The following AGBL4 variants were observed in gnomAD, a reference collection of about 807,000 sequenced individuals.
AGBL4 encodes the protein cytosolic carboxypeptidase 6.
In AGBL4, 58 loss-of-function variants were observed where a neutral mutation model predicts 66.4. The observed-to-expected ratio is 0.87, with a 90% CI of 0.71 to 1.09. The LOEUF (loss-of-function observed/expected upper bound fraction) is 1.09, where lower values mean the gene tolerates loss of function less well. AGBL4 is among the 50% of genes least tolerant of loss of function. The probability of loss-of-function intolerance (pLI) is 0.00; values close to 1 mark genes in which losing one functional copy is unlikely to be tolerated. For synonymous variants in AGBL4, 234 were observed against 222.9 expected (o/e 1.05, Z -0.44); for missense variants, 579 against 631.0 (o/e 0.92, Z 0.88).
chr1:49,805,789 T>C (rs566887438), intron 2 of AGBL4, among the ~76,000 whole-genome samples: 1 of 152,194 alleles, frequency 6.6e-6, no homozygotes, highest in Non-Finnish European at 1.5e-5. Context: ...CCTTACTCCT[T>C]TCGCTAAGTG....
chr1:48,944,843 C>T (rs952507302), intron 5 of AGBL4, among the ~76,000 whole-genome samples: 3 of 152,108 alleles, frequency 2.0e-5, no homozygotes, highest in Non-Finnish European at 4.4e-5. Flanking sequence ...GAAATAACAC[C>T]TCATATTATA....
chr1:49,650,850 A>G (rs1050148431), intron 3 of AGBL4, among the ~76,000 whole-genome samples: 3 of 152,138 alleles, frequency 2.0e-5, no homozygotes, highest in East Asian at 1.9e-4. Flanking sequence ...CACTCCCCCT[A>G]TTCACTATTG....
intron 6 of AGBL4, chr1:48,818,013 G>A (rs1391070660): frequency 4.8e-5 from 34 of 711,554 alleles, no homozygotes; most frequent in Admixed American, 8.0e-5. Context: ...CAGTCTTACC[G>A]GAAACATTCC....
chr1:49,739,708 C>G (rs867909601), intron 2 of AGBL4, among the ~76,000 whole-genome samples: 2 of 152,168 alleles, frequency 1.3e-5, no homozygotes, highest in African/African-American at 2.4e-5. Context: ...GATCTCTCGG[C>G]AGAAACTCTA....
chr1:49,874,993 A>C (rs1282261187), intron 1 of AGBL4, among the ~76,000 whole-genome samples: 1 of 101,596 alleles, frequency 9.8e-6, no homozygotes, highest in African/African-American at 3.9e-5. Context: ...ACCCCACAAC[A>C]GTCCCCAGAG....
At chr1:49,061,719 A>C (rs1472993548) in intron 4 of AGBL4, among the ~76,000 whole-genome samples, 2 of 152,192 alleles carry the variant, frequency 1.3e-5, no homozygotes, top group Non-Finnish European at 2.9e-5. Context: ...CAATACAAGT[A>C]GGAGACTAAG....
chr1:49,190,448 G>T (rs1364604862), intron 4 of AGBL4, among the ~76,000 whole-genome samples: 1 of 152,152 alleles, frequency 6.6e-6, no homozygotes, highest in African/African-American at 2.4e-5. Flanking sequence ...TGTTAATTTG[G>T]AAATAAGTTA....
At chr1:49,045,387 A>T (rs1376779884) in intron 5 of AGBL4, among the ~76,000 whole-genome samples, 197 bp downstream of exon 5, 2 of 152,216 alleles carry the variant, frequency 1.3e-5, no homozygotes, top group Non-Finnish European at 2.9e-5. Flanking sequence ...GCAATAAATC[A>T]CACAATAAAA....
intron 4 of AGBL4, among the ~76,000 whole-genome samples, chr1:49,084,155 T>C (rs1264816678): frequency 3.4e-5 from 1 of 29,368 alleles, no homozygotes; most frequent in Non-Finnish European, 7.9e-5. Flanking sequence ...TTCCGAGCCC[T>C]CCAAGTCTCT....
At chr1:49,835,507 G>A (rs1050182313) in intron 2 of AGBL4, among the ~76,000 whole-genome samples, 16 of 151,998 alleles carry the variant, frequency 1.1e-4, no homozygotes, top group Non-Finnish European at 1.6e-4. Flanking sequence ...CACACTGATG[G>A]GTGTTGACTC....
At chr1:48,776,854 C>A in intron 6 of AGBL4, 2 of 1,378,410 alleles carry the variant, frequency 1.5e-6, no homozygotes, top group African/African-American at 1.6e-5. Context: ...GGGCGGGCCC[C>A]GGTCGGGCAG....
chr1:49,956,789 T>C lies in AGBL4; in HGVS notation c.34+66974A>G, dbSNP rs544457441. On this transcript the variant is annotated intron_variant, in intron 1 of 13. Coordinates refer to ENST00000371839, the MANE Select transcript of AGBL4 (RefSeq NM_032785.4). ...GACAAATATCCTTTGGATCAATTAA[T>C]GACTTTTGGATCAATTAATAAGAGT... 1.1e-3 allele frequency among the ~76,000 whole-genome samples: 171 copies of C among 152,064 alleles called. 1 individual carries two copies. Among genetic ancestry groups the C allele is most frequent in the African/African-American group, 4.0e-3 (166 of 41,530 alleles).
chr1:49,394,560 T>C (rs1247357700), intron 3 of AGBL4, among the ~76,000 whole-genome samples: 1 of 152,034 alleles, frequency 6.6e-6, no homozygotes, highest in Non-Finnish European at 1.5e-5. Flanking sequence ...AAAACTTAAA[T>C]GAGATGCAGA....
At chr1:48,923,091 T>A (rs1228712074) in intron 5 of AGBL4, among the ~76,000 whole-genome samples, 1 of 150,304 alleles carries the variant, frequency 6.7e-6, no homozygotes, top group Non-Finnish European at 1.5e-5. Flanking sequence ...AGAAAAAAAT[T>A]AAAAAAAATA....
chr1:49,947,974 T>G (rs71651131), intron 1 of AGBL4, among the ~76,000 whole-genome samples: 4 of 72,438 alleles, frequency 5.5e-5, no homozygotes, highest in African/African-American at 1.7e-4. Context: ...ATATATATAT[T>G]TATAAATATA....
At chr1:49,760,461 C>T (rs1652220751) in intron 2 of AGBL4, among the ~76,000 whole-genome samples, 7 of 152,006 alleles carry the variant, frequency 4.6e-5, no homozygotes, top group African/African-American at 1.7e-4. Flanking sequence ...AAATCAAAAC[C>T]ACAATGAGAT....
intron 2 of AGBL4, among the ~76,000 whole-genome samples, chr1:49,739,763 A>G (rs1405974118): frequency 2.0e-5 from 3 of 152,220 alleles, no homozygotes; most frequent in Admixed American, 6.5e-5. Flanking sequence ...TTCTTAAAGA[A>G]AAGAATTTTC....
intron 3 of AGBL4, among the ~76,000 whole-genome samples, chr1:49,542,913 A>AAC: frequency 6.6e-6 from 1 of 150,480 alleles, no homozygotes; most frequent in African/African-American, 2.4e-5. Flanking sequence ...AAAAAAAAAA[A>AAC]AAAAAAAAAA....
intron 11 of AGBL4, among the ~76,000 whole-genome samples, chr1:48,553,154 C>T (rs1353404993): frequency 6.6e-6 from 1 of 152,084 alleles, no homozygotes; most frequent in Non-Finnish European, 1.5e-5. Flanking sequence ...CCCAGCAGTG[C>T]CTCCCTTTCC....
Sources: gnomAD v4.1 joint callset for allele counts (sites outside exome capture counted in the v4.1 genomes callset) on GRCh38, gnomAD v4.1.1 for gene constraint, MANE v1.5 for transcripts, NCBI Gene and HGNC (gene_info 2026-07-23, HGNC 2026-07-21) for gene names.